RUNDC3B: variants seen among roughly 807,000 people sequenced by gnomAD.
RUNDC3B encodes the protein RUN domain-containing protein 3B.
Under a neutral mutation model 58.4 loss-of-function variants are expected in RUNDC3B, and 33 were observed. The ratio of observed to expected loss-of-function variants is 0.56; its 90% CI spans 0.43 to 0.75. RUNDC3B has a LOEUF of 0.75. RUNDC3B is among the 30% of genes least tolerant of loss of function. The pLI is 0.00. For synonymous variants in RUNDC3B, 193 were observed against 195.2 expected (o/e 0.99, Z 0.10); for missense variants, 501 against 535.7 (o/e 0.94, Z 0.64).
At chr7:87,726,585 G>C in intron 4 of RUNDC3B, among the ~76,000 whole-genome samples, 1 of 152,094 alleles carries the variant, frequency 6.6e-6, no homozygotes, top group Non-Finnish European at 1.5e-5. Context: ...GCTCTTTTTT[G>C]ATTCCATATG....
chr7:87,822,197 A>C (rs914867542), intron 10 of RUNDC3B, among the ~76,000 whole-genome samples: 9 of 152,236 alleles, frequency 5.9e-5, no homozygotes, highest in African/African-American at 1.2e-4. Context: ...ATTTACAAGA[A>C]AAAAACAACC....
intron 9 of RUNDC3B, among the ~76,000 whole-genome samples, chr7:87,814,463 C>G (rs377166608): frequency 1.1e-4 from 16 of 152,100 alleles, no homozygotes; most frequent in African/African-American, 3.9e-4. Context: ...GAGTAGATAG[C>G]ATAGTATTTA....
intron 2 of RUNDC3B, among the ~76,000 whole-genome samples, chr7:87,656,293 CAGTTATA>C (rs1824094597): frequency 6.6e-6 from 1 of 151,354 alleles, no homozygotes; most frequent in Non-Finnish European, 1.5e-5. Context: ...AAAATTAATA[CAGTTATA>C]AGTTTATTCA....
chr7:87,680,972 A>G (rs1826873065), intron 2 of RUNDC3B, among the ~76,000 whole-genome samples: 2 of 150,556 alleles, frequency 1.3e-5, no homozygotes, highest in Admixed American at 6.6e-5. Context: ...TAAAATTCAT[A>G]AACTTCTGGT....
intron 2 of RUNDC3B, among the ~76,000 whole-genome samples, chr7:87,665,246 A>G (rs548438511): frequency 1.2e-4 from 19 of 152,340 alleles, no homozygotes; most frequent in African/African-American, 4.6e-4. Context: ...GTGAAGTCGT[A>G]TGATACAAAA....
intron 1 of RUNDC3B, among the ~76,000 whole-genome samples, chr7:87,639,723 T>C (rs999296613): frequency 1.3e-5 from 2 of 152,170 alleles, no homozygotes; most frequent in Admixed American, 6.5e-5. Context: ...TTTTAGCTAA[T>C]GTTAATATGA....
At chr7:87,693,087 TTGACTA>T (rs1193464518) in intron 2 of RUNDC3B, among the ~76,000 whole-genome samples, 1 of 152,170 alleles carries the variant, frequency 6.6e-6, no homozygotes, top group African/African-American at 2.4e-5. Flanking sequence ...ATTTCAGTGT[TTGACTA>T]TGAGAGAAGG....
chr7:87,647,438 T>C (rs1260864547), intron 1 of RUNDC3B, among the ~76,000 whole-genome samples: 2 of 152,228 alleles, frequency 1.3e-5, no homozygotes, highest in East Asian at 3.8e-4. Context: ...TATAATCTAA[T>C]TGTCTTCTAT....
chr7:87,646,064 T>C (rs1200654259), intron 1 of RUNDC3B, among the ~76,000 whole-genome samples: 1 of 152,234 alleles, frequency 6.6e-6, no homozygotes, highest in African/African-American at 2.4e-5. Flanking sequence ...TTTGGGATAT[T>C]TGGACTTCGC....
At chr7:87,682,110 C>T (rs562836721) in intron 2 of RUNDC3B, among the ~76,000 whole-genome samples, 2 of 152,338 alleles carry the variant, frequency 1.3e-5, no homozygotes, top group African/African-American at 4.8e-5. Context: ...TTTCTTTGCT[C>T]ATCCATAAGA....
intron 10 of RUNDC3B, among the ~76,000 whole-genome samples, chr7:87,827,208 C>T (rs921821063): frequency 6.6e-6 from 1 of 152,094 alleles, no homozygotes; most frequent in South Asian, 2.1e-4. Flanking sequence ...AAACAAGGGG[C>T]CAGGCATGGT....
chr7:87,678,714 A>G (rs1312447563), intron 2 of RUNDC3B, among the ~76,000 whole-genome samples: 1 of 152,188 alleles, frequency 6.6e-6, no homozygotes, highest in Non-Finnish European at 1.5e-5. Flanking sequence ...AGTGATAAAG[A>G]TAGGTTAAAA....
chr7:87,658,541 A>G (rs1157128057), intron 2 of RUNDC3B, among the ~76,000 whole-genome samples: 2 of 152,218 alleles, frequency 1.3e-5, no homozygotes, highest in African/African-American at 4.8e-5. Context: ...GAAACAGAGC[A>G]AACCACAAAT....
chr7:87,696,636 G>A (rs1828515921), intron 2 of RUNDC3B, among the ~76,000 whole-genome samples: 1 of 152,040 alleles, frequency 6.6e-6, no homozygotes, highest in Non-Finnish European at 1.5e-5. Context: ...TCAGTGTCTT[G>A]AATTAAGAGC....
intron 2 of RUNDC3B, among the ~76,000 whole-genome samples, chr7:87,670,331 G>A (rs1288436059): frequency 6.6e-6 from 1 of 152,182 alleles, no homozygotes; most frequent in African/African-American, 2.4e-5. Flanking sequence ...GACCCATTGG[G>A]TTCTGTTTTT....
chr7:87,640,484 C>A (rs1265604121), intron 1 of RUNDC3B, among the ~76,000 whole-genome samples: 1 of 151,948 alleles, frequency 6.6e-6, no homozygotes, highest in Non-Finnish European at 1.5e-5. Flanking sequence ...GCTAGGACTG[C>A]AGACATGCAC....
At chr7:87,742,416 T>G (rs1346899266) in intron 6 of RUNDC3B, among the ~76,000 whole-genome samples, 1 of 152,180 alleles carries the variant, frequency 6.6e-6, no homozygotes, top group East Asian at 1.9e-4. Context: ...CTTTGCGTCC[T>G]CATGGCTTAG....
chr7:87,636,522 T>C (rs903632557), intron 1 of RUNDC3B, among the ~76,000 whole-genome samples: 4 of 152,226 alleles, frequency 2.6e-5, no homozygotes, highest in Non-Finnish European at 5.9e-5. Context: ...GGCTTTATTT[T>C]TCACTCTGTA....
At chr7:87,685,523 A>G (rs933846556) in intron 2 of RUNDC3B, among the ~76,000 whole-genome samples, 3 of 152,192 alleles carry the variant, frequency 2.0e-5, no homozygotes, top group African/African-American at 7.2e-5. Context: ...AAAAATTTCC[A>G]CACACAACAA....
Sources: gnomAD v4.1 joint callset for allele counts (sites outside exome capture counted in the v4.1 genomes callset) on GRCh38, gnomAD v4.1.1 for gene constraint, MANE v1.5 for transcripts, NCBI Gene and HGNC (gene_info 2026-07-23, HGNC 2026-07-21) for gene names.